PLOD2: variants seen among roughly 807,000 people sequenced by gnomAD.
PLOD2 encodes the protein lysine hydroxylase 2.
Under a neutral mutation model 101.0 loss-of-function variants are expected in PLOD2, and 65 were observed. The ratio of observed to expected loss-of-function variants is 0.64; its 90% CI spans 0.53 to 0.79. The LOEUF (loss-of-function observed/expected upper bound fraction) is 0.79, where lower values mean the gene tolerates loss of function less well. Among genes scored for constraint, PLOD2 ranks in the 30% least tolerant of loss-of-function variants. The pLI is 0.00. For missense variants in PLOD2, 909 were observed against 914.6 expected (o/e 0.99, Z 0.08); for synonymous variants, 314 against 302.9 (o/e 1.04, Z -0.38).
At chr3:146,095,865 TC>T (rs1559845437) in intron 7 of PLOD2, among the ~76,000 whole-genome samples, 1 of 81,194 alleles carries the variant, frequency 1.2e-5, no homozygotes, top group Non-Finnish European at 2.7e-5. Flanking sequence ...CTCTCCCCTC[TC>T]CCCTCTCCCC....
At chr3:146,123,316 A>G (rs1039487162) in intron 2 of PLOD2, 20 of 1,150,164 alleles carry the variant, frequency 1.7e-5, no homozygotes, top group Non-Finnish European at 2.2e-5. Context: ...TGGCTGACAG[A>G]TCCTTCTTTC....
intron 12 of PLOD2, among the ~76,000 whole-genome samples, chr3:146,080,259 T>C (rs1335400376): frequency 1.3e-5 from 2 of 150,832 alleles, no homozygotes; most frequent in South Asian, 4.1e-4. Context: ...TATATACTTA[T>C]AATAAAGTTT....
In PLOD2 at chr3:146,160,977, T is replaced by C. The variant is rs1355371514; in HGVS notation, c.13A>G (p.Thr5Ala). 9 of 1,586,254 alleles carry C rather than the reference T, an allele frequency of 5.7e-6. No homozygotes were observed. The African/African-American group carries it at 6.7e-5, about 12-fold the overall frequency. MGGC[T>A]VKPQLLLLAL... The stretch of plus-strand genomic sequence containing the variant: ...AGGAGCAGCAGCTGAGGCTTCACCG[T>C]GCATCCCCCCATATTCGGCCCTCGA... Residue 5 changes from threonine to alanine, a missense_variant, in exon 1 of 20, where the codon ACG becomes GCG. Transcript: ENST00000282903.
At chr3:146,154,849 C>A (rs1046084178) in intron 1 of PLOD2, among the ~76,000 whole-genome samples, 1 of 151,866 alleles carries the variant, frequency 6.6e-6, no homozygotes, top group Non-Finnish European at 1.5e-5. Context: ...AATGCATAAA[C>A]CTGATTGTAT....
intron 3 of PLOD2, among the ~76,000 whole-genome samples, chr3:146,115,049 G>C (rs998939277): frequency 6.6e-6 from 1 of 152,096 alleles, no homozygotes; most frequent in Non-Finnish European, 1.5e-5. Context: ...TTGCGGCTTG[G>C]GGGGCAGCAC....
At chr3:146,140,521 T>C (rs528192368) in intron 1 of PLOD2, among the ~76,000 whole-genome samples, 6 of 152,206 alleles carry the variant, frequency 3.9e-5, no homozygotes, top group Non-Finnish European at 2.9e-5. Flanking sequence ...TAAACTAGTA[T>C]ATAATTAGAA....
intron 8 of PLOD2, among the ~76,000 whole-genome samples, chr3:146,090,382 C>G (rs1316559842): frequency 6.6e-6 from 1 of 151,340 alleles, no homozygotes; most frequent in Non-Finnish European, 1.5e-5. Flanking sequence ...TAAGACAAAA[C>G]AGCTTAAGTA....
At position 146,070,558 on chromosome 3, in the gene PLOD2, AT is replaced by A. The variant is rs1485572575; in HGVS notation, c.*158del. 3 of 556,632 alleles carry A rather than the reference AT, an allele frequency of 5.4e-6. No homozygotes were observed. The highest frequency in any genetic ancestry group is 9.6e-6 in the Non-Finnish European group (3 of 311,358). 34.5% of individuals were successfully genotyped at this position (556,632 alleles called of 1,614,324 possible). On this transcript the variant is annotated 3_prime_UTR_variant, in exon 20 of 20. Coordinates refer to ENST00000282903, the MANE Select transcript of PLOD2 (RefSeq NM_182943.3). Reference sequence around the variant, plus strand: ...AGCAGACATTAAGAAATATCAAACAATTTTTTATAAAAAGTTTTTCAAATGT... The same window carrying A: ...AGCAGACATTAAGAAATATCAAACAATTTTTATAAAAAGTTTTTCAAATGT...
chr3:146,137,526 G>A (rs1459834328), intron 1 of PLOD2, among the ~76,000 whole-genome samples: 1 of 152,160 alleles, frequency 6.6e-6, no homozygotes, highest in African/African-American at 2.4e-5. Context: ...TGGGATTACA[G>A]ACATGAGCCA....
chr3:146,160,847 C>G, intron 1 of PLOD2, 34 bp downstream of exon 1: 1 of 1,402,640 alleles, frequency 7.1e-7, no homozygotes, highest in Non-Finnish European at 9.9e-7. Context: ...CCGGCCGAGC[C>G]TCGCGGGACA....
chr3:146,109,913 G>A (rs947910817), intron 4 of PLOD2, among the ~76,000 whole-genome samples: 8 of 152,052 alleles, frequency 5.3e-5, no homozygotes, highest in African/African-American at 1.9e-4. Context: ...TGCGGACTGA[G>A]AATAATTTTT....
rs747012717 is a variant in PLOD2 at position 146,091,892 on chromosome 3, T to C, written c.787A>G (p.Asn263Asp). Residue 263 changes from asparagine (N) to aspartate (D), a missense_variant, in exon 8 of 20, where the codon AAT (asparagine) becomes GAT (aspartate). Coordinates refer to ENST00000282903, the MANE Select transcript of PLOD2 (RefSeq NM_182943.3). ...TTGGGTACATAGTTTCCAAAATAATTCAGGAGAATCTTGTAAATGAAGGAA... is the reference window on the plus strand; with the variant it reads ...TTGGGTACATAGTTTCCAAAATAATCCAGGAGAATCTTGTAAATGAAGGAA... Reference protein sequence around the residue: ...NGNGPTKILLNYFGNYVPNSW... With the variant: ...NGNGPTKILLDYFGNYVPNSW... The C allele has an allele frequency of 2.6e-6, 4 of 1,559,214 alleles. No homozygotes were observed. The highest frequency in any genetic ancestry group is 3.5e-6 in the Non-Finnish European group (4 of 1,130,402).
intron 1 of PLOD2, among the ~76,000 whole-genome samples, chr3:146,133,044 C>T (rs1177755467): frequency 1.3e-5 from 2 of 152,052 alleles, no homozygotes; most frequent in Non-Finnish European, 1.5e-5. Context: ...GGTGTGGTGG[C>T]TGGCACCTGT....
At chr3:146,132,989 T>C (rs2108112158) in intron 1 of PLOD2, among the ~76,000 whole-genome samples, 1 of 152,070 alleles carries the variant, frequency 6.6e-6, no homozygotes, top group African/African-American at 2.4e-5. Flanking sequence ...CCATCCTGGC[T>C]ATGGTGAAAC....
At chr3:146,155,584 C>T (rs1285950970) in intron 1 of PLOD2, among the ~76,000 whole-genome samples, 5 of 150,890 alleles carry the variant, frequency 3.3e-5, no homozygotes, top group African/African-American at 7.3e-5. Flanking sequence ...GGCATGGTGG[C>T]GGGCACCTGT....
chr3:146,116,108 T>C (rs1373698743), intron 3 of PLOD2, among the ~76,000 whole-genome samples: 1 of 152,122 alleles, frequency 6.6e-6, no homozygotes, highest in East Asian at 1.9e-4. Flanking sequence ...AGCACAGAAG[T>C]AGCTTCACAC....
At chr3:146,133,850 G>C (rs2031070302) in intron 1 of PLOD2, among the ~76,000 whole-genome samples, 1 of 152,082 alleles carries the variant, frequency 6.6e-6, no homozygotes, top group South Asian at 2.1e-4. Flanking sequence ...AATGTGAGAT[G>C]GCTGACCAAA....
rs565644179 is a variant in PLOD2 at position 146,105,895 on chromosome 3, T to G, written c.615+637A>C. Among the ~76,000 whole-genome samples, 17 of 152,314 alleles carry G rather than the reference T, an allele frequency of 1.1e-4. 1 individual carries two copies. In the South Asian group the frequency reaches 3.3e-3, roughly 30 times the overall value. ...GAGAATACACTGCATTTTTTTAAAC[T>G]GCAAAAGTTCACTCTGGTATCAAAT... On this transcript the variant is annotated intron_variant, in intron 5 of 19. Coordinates refer to ENST00000282903, the MANE Select transcript of PLOD2 (RefSeq NM_182943.3).
chr3:146,081,669 G>C (rs1936543888), intron 12 of PLOD2, 69 bp downstream of exon 12: 4 of 1,385,900 alleles, frequency 2.9e-6, no homozygotes, highest in Non-Finnish European at 4.0e-6. Flanking sequence ...AAAATTTCAA[G>C]TAATACTAAC....
Sources: gnomAD v4.1 joint callset for allele counts (sites outside exome capture counted in the v4.1 genomes callset) on GRCh38, gnomAD v4.1.1 for gene constraint, MANE v1.5 for transcripts, NCBI Gene and HGNC (gene_info 2026-07-23, HGNC 2026-07-21) for gene names.